BOLL: variants seen among roughly 807,000 people sequenced by gnomAD.
BOLL encodes the protein boule RNA binding protein.
Under a neutral mutation model 44.4 loss-of-function variants are expected in BOLL, and 23 were observed. The observed-to-expected ratio is 0.52, with a 90% CI of 0.37 to 0.73. The LOEUF (loss-of-function observed/expected upper bound fraction) is 0.73. Ranked by LOEUF, BOLL falls within the 30% of genes least tolerant of loss-of-function variation. The pLI, the probability that BOLL is intolerant of heterozygous loss-of-function variation, is 0.00. For missense variants in BOLL, 287 were observed against 338.3 expected, an observed-to-expected ratio of 0.85 and a Z score of 1.19; for synonymous variants, 97 against 110.8, an observed-to-expected ratio of 0.88 and a Z score of 0.78.
chr2:197,782,549 C>G (rs969605016), intron 1 of BOLL, among the ~76,000 whole-genome samples: 4 of 152,208 alleles, frequency 2.6e-5, no homozygotes, highest in African/African-American at 9.7e-5. Flanking sequence ...GCTATACATT[C>G]CAGAGTAAAG....
rs144064736 is a variant in BOLL, at chr2:197,773,208, C to T, written c.353-1226G>A. Among the ~76,000 whole-genome samples, 279 of 151,618 alleles carry T rather than the reference C, an allele frequency of 1.8e-3. 6 individuals are homozygous for T. The highest frequency in any genetic ancestry group is 0.014 in the Admixed American group (215 of 15,164). ...ACACAATTTTGGAGGTCCATGGATTCCCCCCAAAAGATATTCCACTATTAT... is the reference window on the plus strand; with the variant it reads ...ACACAATTTTGGAGGTCCATGGATTTCCCCCAAAAGATATTCCACTATTAT... On this transcript the variant is annotated intron_variant, in intron 5 of 10. Coordinates refer to ENST00000392296, the MANE Select transcript of BOLL (RefSeq NM_033030.6).
chr2:197,767,289 T>C lies in BOLL; in HGVS notation c.481-686A>G, dbSNP rs559644224. ...CAAGATAGTAAAACTGGCTCTAATGTAGCAATTAAAATTCAGTGTCTAATG... is the reference window on the plus strand; with the variant it reads ...CAAGATAGTAAAACTGGCTCTAATGCAGCAATTAAAATTCAGTGTCTAATG... On this transcript the variant is annotated intron_variant, in intron 6 of 10. Coordinates refer to ENST00000392296, the MANE Select transcript of BOLL (RefSeq NM_033030.6). Among the ~76,000 whole-genome samples the C allele has an allele frequency of 6.6e-5, 10 of 152,130 alleles. No individual in the cohort carries two copies. The East Asian group carries it at 1.9e-3, about 29-fold the overall frequency.
chr2:197,742,351 A>G (rs913415344), intron 10 of BOLL, among the ~76,000 whole-genome samples: 1 of 152,216 alleles, frequency 6.6e-6, no homozygotes, highest in Admixed American at 6.5e-5. Context: ...GCTGCTATAA[A>G]GACACATGCA....
chr2:197,755,017 C>A (rs1688443739), intron 9 of BOLL, among the ~76,000 whole-genome samples: 1 of 152,106 alleles, frequency 6.6e-6, no homozygotes, highest in African/African-American at 2.4e-5. Context: ...AGTCCAATAT[C>A]CATAATGTAC....
chr2:197,773,618 A>C (rs1033240904), intron 5 of BOLL, among the ~76,000 whole-genome samples: 4 of 152,114 alleles, frequency 2.6e-5, no homozygotes, highest in African/African-American at 9.6e-5. Context: ...AGCTCTAAAG[A>C]ATGAATTGGA....
chr2:197,744,471 A>G (rs1033564383), intron 9 of BOLL, among the ~76,000 whole-genome samples: 2 of 152,324 alleles, frequency 1.3e-5, no homozygotes, highest in African/African-American at 2.4e-5. Context: ...AAGATAAAAA[A>G]GAAAGGAAAG....
chr2:197,771,009 T>A (rs928325305), intron 6 of BOLL, among the ~76,000 whole-genome samples: 10 of 152,114 alleles, frequency 6.6e-5, no homozygotes, highest in African/African-American at 2.2e-4. Flanking sequence ...TATATACCCA[T>A]AGGATTATAA....
chr2:197,777,436 T>A (rs1000122600), intron 3 of BOLL, among the ~76,000 whole-genome samples: 1 of 151,662 alleles, frequency 6.6e-6, no homozygotes, highest in Non-Finnish European at 1.5e-5. Context: ...AGAGCAATAA[T>A]CTCCTTTTAA....
chr2:197,750,215 G>A lies in BOLL; in HGVS notation c.729+6213C>T, dbSNP rs185949897. Among the ~76,000 whole-genome samples, 9 of 152,172 alleles carry A rather than the reference G, an allele frequency of 5.9e-5. No homozygotes were observed. In the East Asian group the frequency reaches 1.7e-3, roughly 29 times the overall value. On this transcript the variant is annotated intron_variant, in intron 9 of 10. Coordinates refer to ENST00000392296, the MANE Select transcript of BOLL (RefSeq NM_033030.6). ...AACATACCAAAATGTAAAGACCATC[G>A]ACACTATAAGGAAACCGCATCAACT...
chr2:197,729,803 A>C (rs1405297450), intron 10 of BOLL, among the ~76,000 whole-genome samples: 25 of 151,144 alleles, frequency 1.7e-4, no homozygotes, highest in African/African-American at 6.1e-4. Context: ...CACACCAAAA[A>C]CCCATCTGTA....
intron 7 of BOLL, among the ~76,000 whole-genome samples, chr2:197,760,125 G>A (rs1367029802): frequency 1.3e-5 from 2 of 152,100 alleles, no homozygotes; most frequent in Admixed American, 6.5e-5. Flanking sequence ...ATCCCAGGCC[G>A]ACCAATAGCC....
chr2:197,752,541 C>T (rs936573429), intron 9 of BOLL, among the ~76,000 whole-genome samples: 6 of 152,172 alleles, frequency 3.9e-5, no homozygotes, highest in South Asian at 2.1e-4. Context: ...CATGAGCAAA[C>T]TCCCATTCAC....
At chr2:197,754,266 C>A (rs1688398907) in intron 9 of BOLL, among the ~76,000 whole-genome samples, 2 of 151,978 alleles carry the variant, frequency 1.3e-5, no homozygotes, top group South Asian at 2.1e-4. Context: ...GCATATGTAT[C>A]CCAGAATGTA....
At chr2:197,761,080 G>A (rs1469040298) in intron 7 of BOLL, among the ~76,000 whole-genome samples, 1 of 152,016 alleles carries the variant, frequency 6.6e-6, no homozygotes, top group African/African-American at 2.4e-5. Context: ...CAGTGCTTTG[G>A]GAGACTAAGG....
chr2:197,780,924 CT>C lies in BOLL; in HGVS notation c.129+797del, dbSNP rs200286373. Reference sequence around the variant, plus strand: ...CATGCCTTTCTTGTAGGTGTTTACTCTTACCTCCCCTATGTGGGCTGGGGGG... The same window carrying C: ...CATGCCTTTCTTGTAGGTGTTTACTCTACCTCCCCTATGTGGGCTGGGGGG... On this transcript the variant is annotated intron_variant, in intron 2 of 10. Coordinates refer to ENST00000392296, the MANE Select transcript of BOLL (RefSeq NM_033030.6). 4.6e-5 allele frequency among the ~76,000 whole-genome samples: 7 copies of C among 152,150 alleles called. No homozygotes were observed. The East Asian group carries it at 1.2e-3, about 25-fold the overall frequency.
chr2:197,766,441 C>A, intron 7 of BOLL, 91 bp downstream of exon 7: 2 of 1,065,938 alleles, frequency 1.9e-6, no homozygotes, highest in Non-Finnish European at 1.4e-6. Flanking sequence ...TTGTAATTAG[C>A]AAAGTAGTTG....
intron 7 of BOLL, among the ~76,000 whole-genome samples, chr2:197,759,654 T>G (rs1329654501): frequency 2.6e-5 from 4 of 152,144 alleles, no homozygotes; most frequent in Non-Finnish European, 5.9e-5. Flanking sequence ...TGATTCTGGT[T>G]CTGTACAGTA....
At chr2:197,756,333 T>G (rs1688514167) in intron 9 of BOLL, 95 bp downstream of exon 9, 1 of 1,181,388 alleles carries the variant, frequency 8.5e-7, no homozygotes, top group Admixed American at 3.4e-5. Context: ...TGAAGCAGTT[T>G]CAATGAGGGT....
At chr2:197,759,006 C>A in intron 7 of BOLL, 2 of 1,535,490 alleles carry the variant, frequency 1.3e-6, no homozygotes, top group Non-Finnish European at 1.7e-6. Flanking sequence ...TTGTTTAATT[C>A]CCTCGTAAAA....
Sources: gnomAD v4.1 joint callset for allele counts (sites outside exome capture counted in the v4.1 genomes callset) on GRCh38, gnomAD v4.1.1 for gene constraint, MANE v1.5 for transcripts, NCBI Gene and HGNC (gene_info 2026-07-23, HGNC 2026-07-21) for gene names.